Variants in NYAP2 observed in about 807,000 individuals in gnomAD.
NYAP2 encodes neuronal tyrosine-phosphorylated phosphoinositide-3-kinase adaptor 2, also known as neuronal tyrosine-phosphorylated phosphoinositide-3-kinase adapter 2.
A neutral mutation model predicts 50.4 loss-of-function variants in NYAP2; 23 were observed. The observed-to-expected ratio is 0.46, with a 90% CI of 0.33 to 0.65. The LOEUF is 0.65. NYAP2 is among the 30% of genes least tolerant of loss of function. The probability of loss-of-function intolerance (pLI) is 0.02; values close to 1 mark genes in which losing one functional copy is unlikely to be tolerated. For missense variants in NYAP2, 885 were observed against 861.0 expected (o/e 1.03, Z -0.35); for synonymous variants, 394 against 365.2 (o/e 1.08, Z -0.90).
chr2:225,582,563 G>A lies in NYAP2; in HGVS notation c.1146G>A (p.Thr382=), dbSNP rs201650497. The stretch of plus-strand genomic sequence containing the variant: ...AGCCAGCCGGGGCGTCGCCCTCCAC[G>A]CTGCCGTCCCACGTCCCCGGCCATG... The change falls in exon 5 of 7, where the codon ACG becomes ACA. Residue 382 remains threonine (T), a synonymous_variant. Coordinates refer to ENST00000636099, the Ensembl canonical transcript of NYAP2. This position sits in a 1 kb window ranked among gnomAD's most constrained non-coding sequence, Gnocchi z 7.0. 31 of 1,585,182 alleles carry A rather than the reference G, an allele frequency of 2.0e-5. No homozygotes were observed. The African/African-American group carries it at 3.3e-4, about 17-fold the overall frequency.
rs73084725 is a variant in NYAP2, at chr2:225,536,369, A to G, written c.523+22697A>G. On this transcript the variant is annotated intron_variant, in intron 4 of 6. Transcript: ENST00000636099. ...CATTACTCATGGCATTACCTGCATG[A>G]AATGGTGGCCTATTTCCCCCTGGCC... Among the ~76,000 whole-genome samples the G allele has an allele frequency of 2.3e-3, 345 of 152,274 alleles. 2 individuals carry two copies. Among genetic ancestry groups the G allele is most frequent in the African/African-American group, 8.0e-3 (331 of 41,544 alleles).
At chr2:225,406,885 C>T (rs1237858269) in intron 2 of NYAP2, among the ~76,000 whole-genome samples, 5 of 151,904 alleles carry the variant, frequency 3.3e-5, no homozygotes, top group African/African-American at 4.8e-5. Context: ...ATAGAAACTG[C>T]GTAGGAATCT....
rs528277113 is a variant in NYAP2 at position 225,439,919 on chromosome 2, G to A, written c.221+30818G>A. 5.3e-5 allele frequency among the ~76,000 whole-genome samples: 8 copies of A among 152,300 alleles called. No individual in the cohort carries two copies. The East Asian group carries it at 1.2e-3, about 22-fold the overall frequency. ...TCTGCATGGCTGGGAGGCCTCAGGAGACTTACAATCATGGGGAGGCACCTC... is the reference window on the plus strand; with the variant it reads ...TCTGCATGGCTGGGAGGCCTCAGGAAACTTACAATCATGGGGAGGCACCTC... On this transcript the variant is annotated intron_variant, in intron 3 of 6. Transcript: ENST00000636099.
chr2:225,429,665 A>T (rs1161041203), intron 3 of NYAP2, among the ~76,000 whole-genome samples: 2 of 152,210 alleles, frequency 1.3e-5, no homozygotes, highest in South Asian at 2.1e-4. Context: ...GATAAATTAT[A>T]TTTGAGGAAA....
the NYAP2 span, among the ~76,000 whole-genome samples, chr2:225,662,288 C>T: frequency 1.3e-5 from 2 of 152,226 alleles, no homozygotes; most frequent in Non-Finnish European, 2.9e-5. Context: ...TGGACTAGTG[C>T]CATGGGACAT....
the NYAP2 span, among the ~76,000 whole-genome samples, chr2:225,688,321 A>G: frequency 6.6e-6 from 1 of 152,170 alleles, no homozygotes; most frequent in South Asian, 2.1e-4. Context: ...AGTGGAATGA[A>G]CTCATTCATG....
intron 6 of NYAP2, among the ~76,000 whole-genome samples, chr2:225,641,422 AACAC>A (rs56041107): frequency 0.037 from 4,928 of 133,640 alleles, 119 homozygotes; most frequent in East Asian, 0.069. Flanking sequence ...CAATCCCTCA[AACAC>A]ACACACACAC....
chr2:225,692,353 TC>T, the NYAP2 span, among the ~76,000 whole-genome samples: 1 of 152,148 alleles, frequency 6.6e-6, no homozygotes, highest in African/African-American at 2.4e-5. Context: ...ATTCCTTTGT[TC>T]TTTGGAGAAA....
chr2:225,571,253 A>T (rs1211517091), intron 4 of NYAP2, among the ~76,000 whole-genome samples: 1 of 152,166 alleles, frequency 6.6e-6, no homozygotes, highest in African/African-American at 2.4e-5. Context: ...TGGATCTACC[A>T]TTCTGGGGTC....
At chr2:225,529,349 GTC>G (rs1691210453) in intron 4 of NYAP2, among the ~76,000 whole-genome samples, 1 of 152,048 alleles carries the variant, frequency 6.6e-6, no homozygotes, top group East Asian at 1.9e-4. Context: ...TTGAGATAGA[GTC>G]TCTCTCTTGT....
chr2:225,445,379 A>G (rs1689536706), intron 3 of NYAP2, among the ~76,000 whole-genome samples: 1 of 151,788 alleles, frequency 6.6e-6, no homozygotes, highest in South Asian at 2.1e-4. Flanking sequence ...ATAACAAAGT[A>G]TCAATTGAAC....
At chr2:225,559,726 C>T (rs1184540992) in intron 4 of NYAP2, among the ~76,000 whole-genome samples, 5 of 151,940 alleles carry the variant, frequency 3.3e-5, no homozygotes, top group South Asian at 2.1e-4. Context: ...TGAAGTGGGG[C>T]TTTCAATTTT....
chr2:225,555,250 G>A (rs895965173), intron 4 of NYAP2, among the ~76,000 whole-genome samples: 4 of 152,094 alleles, frequency 2.6e-5, no homozygotes, highest in East Asian at 1.9e-4. Flanking sequence ...AAAAACAAGC[G>A]TTTTGTTTTT....
chr2:225,460,675 A>G lies in NYAP2; in HGVS notation c.221+51574A>G, dbSNP rs868681403. Among the ~76,000 whole-genome samples the G allele has an allele frequency of 2.6e-5, 4 of 152,320 alleles. No homozygotes were observed. The South Asian group carries it at 8.3e-4, about 32-fold the overall frequency. ...TGCCAGAGAGAGAAAGTGTTTGCCT[A>G]TGCTAGACCATCGCTTTGGAATTTA... On this transcript the variant is annotated intron_variant, in intron 3 of 6. Coordinates refer to ENST00000636099, the Ensembl canonical transcript of NYAP2.
At chr2:225,684,898 C>T in the NYAP2 span, among the ~76,000 whole-genome samples, 1 of 152,084 alleles carries the variant, frequency 6.6e-6, no homozygotes. Context: ...GTGATATGTT[C>T]CACAGTTTGG....
intron 4 of NYAP2, among the ~76,000 whole-genome samples, chr2:225,550,597 C>A (rs1050742653): frequency 1.3e-5 from 2 of 152,008 alleles, no homozygotes; most frequent in Admixed American, 1.3e-4. Context: ...TGGGTGGCAG[C>A]TGGAAGGAGA....
At chr2:225,452,007 T>C (rs746245278) in intron 3 of NYAP2, among the ~76,000 whole-genome samples, 4 of 152,108 alleles carry the variant, frequency 2.6e-5, no homozygotes, top group Non-Finnish European at 5.9e-5. Flanking sequence ...TTGAGAAATA[T>C]TCAATGCCTT....
At chr2:225,651,458 C>G (rs371912659) in exon 7 of NYAP2, 7 of 1,613,942 alleles carry the variant, frequency 4.3e-6, no homozygotes, top group Non-Finnish European at 5.9e-6. Flanking sequence ...CAAATTAGGC[C>G]GGTCTGCGTC....
chr2:225,477,643 A>G (rs1359607601), intron 3 of NYAP2, among the ~76,000 whole-genome samples: 1 of 152,156 alleles, frequency 6.6e-6, no homozygotes, highest in East Asian at 1.9e-4. Context: ...AACTTACTTT[A>G]TAAGAGTCAA....
Sources: allele counts gnomAD v4.1 joint callset (sites outside exome capture counted in the v4.1 genomes callset), GRCh38; gene constraint gnomAD v4.1.1; non-coding constraint Gnocchi (gnomAD v3.1); transcripts MANE v1.5; gene names NCBI Gene and HGNC (gene_info 2026-07-23, HGNC 2026-07-21).